Variants in SELENOK observed in about 807,000 individuals in gnomAD.
SELENOK encodes the protein selenoprotein K.
In SELENOK, 11 loss-of-function variants were observed where a neutral mutation model predicts 17.3. The observed-to-expected ratio is 0.63, with a 90% CI of 0.40 to 1.05. SELENOK has a LOEUF of 1.05. Ranked by LOEUF, SELENOK falls within the 50% of genes least tolerant of loss-of-function variation. SELENOK has a pLI of 0.00. For synonymous variants in SELENOK, 45 were observed against 35.4 expected (o/e 1.27, Z -0.97); for missense variants, 125 against 113.9 (o/e 1.10, Z -0.44).
chr3:53,891,651 C>T lies in SELENOK; in HGVS notation c.19+119G>A, dbSNP rs769732040. 423 of 1,357,538 alleles carry T rather than the reference C, an allele frequency of 3.1e-4. 2 individuals carry two copies. Among genetic ancestry groups the T allele is most frequent in the Non-Finnish European group, 3.8e-4 (360 of 959,912 alleles). 84.1% of individuals were successfully genotyped at this position (1,357,538 alleles called of 1,614,324 possible). A position where few individuals can be genotyped will look rare whatever the true frequency, so the allele number is the denominator to read the frequency against. ...ACTTCGGTCCAGCTCCGCCCGGCCG[C>T]GGGGCGCTAAGCCCGGGGAAGCCGC... On this transcript the variant is annotated intron_variant, in intron 1 of 4. Coordinates refer to ENST00000495461, the MANE Select transcript of SELENOK (RefSeq NM_021237.5).
In SELENOK at chr3:53,885,157, CAATG is replaced by C. The variant is rs1700114770; in HGVS notation, c.*397_*400del. 1 of 159,666 alleles carries C rather than the reference CAATG, an allele frequency of 6.3e-6. No individual in the cohort carries two copies. Among genetic ancestry groups the C allele is most frequent in the Non-Finnish European group, 1.4e-5 (1 of 73,070 alleles). The allele number at this position is 159,666 out of a possible 1,614,324, so 9.9% of individuals were successfully genotyped here. A position where few individuals can be genotyped will look rare whatever the true frequency, so the allele number is the denominator to read the frequency against. ...TGATTTATAAATGAGAAAAAGTTAA[CAATG>C]AACAGTGTTTCAGAAGTTGAAAAGG... On this transcript the variant is annotated 3_prime_UTR_variant, in exon 5 of 5. Coordinates refer to ENST00000495461, the MANE Select transcript of SELENOK (RefSeq NM_021237.5).
Position 53,885,634 on chromosome 3 carries a change from A to G in SELENOK, c.282-73T>C, listed in dbSNP as rs551379152. The G allele has an allele frequency of 2.1e-6, 3 of 1,436,926 alleles. No individual in the cohort carries two copies. The South Asian group carries it at 3.6e-5, about 17-fold the overall frequency. 89.0% of individuals were successfully genotyped at this position (1,436,926 alleles called of 1,614,324 possible). ...CTGTGTGAAAACCTCAACATATTAC[A>G]TGTTATAAAATCTTTCTCAAAAGAC... is the stretch of plus-strand genomic sequence containing the variant. On this transcript the variant is annotated intron_variant, in intron 4 of 4. Coordinates refer to ENST00000495461, the MANE Select transcript of SELENOK (RefSeq NM_021237.5).
chr3:53,891,442 C>G (rs1335091707), intron 1 of SELENOK, among the ~76,000 whole-genome samples: 1 of 152,222 alleles, frequency 6.6e-6, no homozygotes, highest in Non-Finnish European at 1.5e-5. Context: ...CATCATTGTC[C>G]TTACTAGTTT....
intron 1 of SELENOK, 114 bp downstream of exon 1, chr3:53,891,656 C>G: frequency 2.2e-6 from 3 of 1,389,298 alleles, no homozygotes; most frequent in Middle Eastern, 1.8e-4. Flanking sequence ...GGCCGCGGGG[C>G]GCTAAGCCCG....
intron 2 of SELENOK, chr3:53,888,081 A>G (rs931800372): frequency 5.2e-6 from 1 of 192,714 alleles, no homozygotes; most frequent in African/African-American, 2.3e-5. Flanking sequence ...AAACAAGAAT[A>G]GTAGAGAGAA....
chr3:53,891,315 A>C (rs1700167273), intron 1 of SELENOK, among the ~76,000 whole-genome samples: 1 of 152,196 alleles, frequency 6.6e-6, no homozygotes, highest in Non-Finnish European at 1.5e-5. Flanking sequence ...TAGCCCAGGC[A>C]AGCTATTTAA....
At position 53,885,874 on chromosome 3, in the gene SELENOK, T is replaced by C. The variant is rs772894495; in HGVS notation, c.233A>G (p.Asn78Ser). 6 of 1,575,326 alleles carry C rather than the reference T, an allele frequency of 3.8e-6. No homozygotes were observed. The highest frequency in any genetic ancestry group is 4.3e-6 in the Non-Finnish European group (5 of 1,163,722). Reference sequence around the variant, plus strand: ...AGGGGGACTAGGGCCACGCAGATGATTGATTCTACCCATTCTTCGGGGAGG... The same window carrying C: ...AGGGGGACTAGGGCCACGCAGATGACTGATTCTACCCATTCTTCGGGGAGG... Reference protein sequence around the residue: ...GNPPRRMGRINHLRGPSPPPM... With the variant: ...GNPPRRMGRISHLRGPSPPPM... The change falls in exon 4 of 5, where the codon AAT (asparagine) becomes AGT (serine). Residue 78 changes from asparagine (N) to serine (S), a missense_variant. Physicochemically the swap from Asn to Ser is conservative, Grantham distance 46 (BLOSUM62 1). Coordinates refer to ENST00000495461, the MANE Select transcript of SELENOK (RefSeq NM_021237.5).
rs2107094466 is a variant in SELENOK at position 53,891,848 on chromosome 3, C to G, written c.-60G>C. ...GCCTGGCCCCTGTCGGTTTCTGTAT[C>G]TCCCTCTGCTCCCCGCCCTTCGAGC... On this transcript the variant is annotated 5_prime_UTR_variant, in exon 1 of 5. Coordinates refer to ENST00000495461, the MANE Select transcript of SELENOK (RefSeq NM_021237.5). 8 of 1,569,474 alleles carry G rather than the reference C, an allele frequency of 5.1e-6. No homozygotes were observed. In the South Asian group the frequency reaches 8.9e-5, roughly 17 times the overall value.
chr3:53,886,297 C>T (rs1470652710), intron 3 of SELENOK, among the ~76,000 whole-genome samples: 3 of 152,096 alleles, frequency 2.0e-5, no homozygotes, highest in African/African-American at 7.2e-5. Context: ...AGTGCAGTGG[C>T]ACGATCTCAG....
At chr3:53,887,692 C>T (rs1296869878) in intron 2 of SELENOK, among the ~76,000 whole-genome samples, 3 of 152,174 alleles carry the variant, frequency 2.0e-5, no homozygotes, top group Non-Finnish European at 4.4e-5. Flanking sequence ...GTTCACCTCC[C>T]AGTCATGCCC....
At position 53,885,444 on chromosome 3, in the gene SELENOK, T is replaced by C. The variant is rs779952759; in HGVS notation, c.*114A>G. 154 of 1,029,018 alleles carry C rather than the reference T, an allele frequency of 1.5e-4. No individual in the cohort carries two copies. The highest frequency in any genetic ancestry group is 4.7e-4 in the South Asian group (32 of 68,340). 63.7% of individuals were successfully genotyped at this position (1,029,018 alleles called of 1,614,324 possible). On this transcript the variant is annotated 3_prime_UTR_variant, in exon 5 of 5. Coordinates refer to ENST00000495461, the MANE Select transcript of SELENOK (RefSeq NM_021237.5). Reference sequence around the variant, plus strand: ...CATCTGTGAGGACACAGAGCAGTCCTTGTTTAGACATACACATTCATCTAC... The same window carrying C: ...CATCTGTGAGGACACAGAGCAGTCCCTGTTTAGACATACACATTCATCTAC...
chr3:53,891,409 A>G (rs1267861148), intron 1 of SELENOK, among the ~76,000 whole-genome samples: 1 of 152,244 alleles, frequency 6.6e-6, no homozygotes. Flanking sequence ...TCCAGGGCAC[A>G]AGCGCTACGT....
At chr3:53,887,480 T>C (rs180798266) in intron 2 of SELENOK, among the ~76,000 whole-genome samples, 141 of 152,372 alleles carry the variant, frequency 9.3e-4, no homozygotes, top group Middle Eastern at 3.4e-3. Flanking sequence ...AGGGCCTCTC[T>C]TGTGCCCTGT....
intron 1 of SELENOK, among the ~76,000 whole-genome samples, chr3:53,888,832 G>A (rs534521243): frequency 3.3e-5 from 5 of 152,192 alleles, no homozygotes; most frequent in African/African-American, 9.6e-5. Flanking sequence ...CGAGGCAGGC[G>A]GATCATGAGG....
At chr3:53,885,721 A>T in intron 4 of SELENOK, 105 bp downstream of exon 4, 1 of 1,186,876 alleles carries the variant, frequency 8.4e-7, no homozygotes, top group Non-Finnish European at 1.2e-6. Context: ...TTTCCAAATA[A>T]TGTCTGAGTA....
intron 2 of SELENOK, 111 bp downstream of exon 2, chr3:53,888,282 T>C (rs923023303): frequency 7.0e-6 from 5 of 717,114 alleles, no homozygotes; most frequent in African/African-American, 5.3e-5. Flanking sequence ...TAAATTGCAA[T>C]AGAAAACTGT....
chr3:53,891,753 G>GC lies in SELENOK; in HGVS notation c.19+16dup. 1 of 1,613,882 alleles carries GC rather than the reference G, an allele frequency of 6.2e-7. No homozygotes were observed. Among genetic ancestry groups the GC allele is most frequent in the East Asian group, 2.2e-5 (1 of 44,882 alleles). ...TTACAAGTCACCGGTCGAAGCCACA[G>GC]CCCGCTCTCAACTTACCGTTCGAGA... On this transcript the variant is annotated intron_variant, in intron 1 of 4. Coordinates refer to ENST00000495461, the MANE Select transcript of SELENOK (RefSeq NM_021237.5).
intron 1 of SELENOK, among the ~76,000 whole-genome samples, chr3:53,889,040 G>C (rs1374990156): frequency 6.7e-6 from 1 of 150,312 alleles, no homozygotes; most frequent in African/African-American, 2.5e-5. Flanking sequence ...CTGGGCGACA[G>C]AGCAAGAAAA....
chr3:53,885,867 C>T lies in SELENOK; in HGVS notation c.240G>A (p.Leu80=). Residue 80 remains leucine (L), a synonymous_variant, in exon 4 of 5, where the codon CTG becomes CTA. Coordinates refer to ENST00000495461, the MANE Select transcript of SELENOK (RefSeq NM_021237.5). ...CCATTGGAGGGGGACTAGGGCCACG[C>T]AGATGATTGATTCTACCCATTCTTC... The part of the protein sequence containing the change: ...PPRRMGRINH[L]RGPSPPPMAG... 1 of 1,577,970 alleles carries T rather than the reference C, an allele frequency of 6.3e-7. No homozygotes were observed. The highest frequency in any genetic ancestry group is 1.2e-5 in the South Asian group (1 of 83,892).
Sources: allele counts gnomAD v4.1 joint callset (sites outside exome capture counted in the v4.1 genomes callset), GRCh38; gene constraint gnomAD v4.1.1; transcripts MANE v1.5; gene names NCBI Gene and HGNC (gene_info 2026-07-23, HGNC 2026-07-21).